Variants in DENND2B observed in about 807,000 individuals in gnomAD.
DENND2B encodes DENN domain containing 2B, also known as DENN domain-containing protein 2B.
A neutral mutation model predicts 116.0 loss-of-function variants in DENND2B; 32 were observed. That is an observed-to-expected ratio of 0.28 (90% CI 0.21 to 0.37). The LOEUF is 0.37. Ranked by LOEUF, DENND2B falls within the 10% of genes least tolerant of loss-of-function variation. The probability of loss-of-function intolerance (pLI) is 1.00; values close to 1 mark genes in which losing one functional copy is unlikely to be tolerated. For synonymous variants in DENND2B, 588 were observed against 583.9 expected, an observed-to-expected ratio of 1.01 and a Z score of -0.10; for missense variants, 1,276 against 1,477.7, an observed-to-expected ratio of 0.86 and a Z score of 2.24.
intron 1 of DENND2B, among the ~76,000 whole-genome samples, chr11:8,758,178 C>A (rs2053933836): frequency 1.3e-5 from 2 of 152,184 alleles, no homozygotes; most frequent in African/African-American, 2.4e-5. Context: ...TGTCCCACAG[C>A]ATGTTCTCTA....
At chr11:8,732,753 AAC>A (rs1268147740) in intron 2 of DENND2B, among the ~76,000 whole-genome samples, 1 of 152,214 alleles carries the variant, frequency 6.6e-6, no homozygotes, top group East Asian at 1.9e-4. Context: ...ATTCTTTCCA[AAC>A]AGTTTCAGTT....
intron 1 of DENND2B, among the ~76,000 whole-genome samples, chr11:8,751,414 A>G (rs1021335211): frequency 6.6e-6 from 1 of 152,054 alleles, no homozygotes; most frequent in African/African-American, 2.4e-5. Flanking sequence ...GTGGCAACCC[A>G]CTCGGGTCCC....
At chr11:8,779,805 A>G (rs2058190981) in intron 1 of DENND2B, among the ~76,000 whole-genome samples, 1 of 152,086 alleles carries the variant, frequency 6.6e-6, no homozygotes, top group African/African-American at 2.4e-5. Context: ...GTGAGCCACC[A>G]CGCCCGGCCA....
intron 1 of DENND2B, among the ~76,000 whole-genome samples, chr11:8,892,672 A>G (rs1215127843): frequency 6.6e-6 from 1 of 152,260 alleles, no homozygotes; most frequent in Non-Finnish European, 1.5e-5. Flanking sequence ...TTCTGGACAC[A>G]TACACCCTCC....
chr11:8,890,072 T>C (rs984250161), intron 1 of DENND2B, among the ~76,000 whole-genome samples: 3 of 152,158 alleles, frequency 2.0e-5, no homozygotes, highest in Non-Finnish European at 2.9e-5. Flanking sequence ...GGCAGCAACA[T>C]TTGCTGTTCA....
chr11:8,747,717 A>G (rs1339601941), intron 2 of DENND2B, among the ~76,000 whole-genome samples: 1 of 152,216 alleles, frequency 6.6e-6, no homozygotes, highest in East Asian at 1.9e-4. Context: ...ACAAAAGCGA[A>G]GACAAGGAAA....
At chr11:8,789,066 T>C (rs2059155337) in intron 1 of DENND2B, among the ~76,000 whole-genome samples, 1 of 152,226 alleles carries the variant, frequency 6.6e-6, no homozygotes, top group Non-Finnish European at 1.5e-5. Context: ...GCTAGTCAGA[T>C]ACCACACATC....
At position 8,883,608 on chromosome 11, in the gene DENND2B, G is replaced by A. The variant is rs188188152; in HGVS notation, c.-255-2499C>T. Among the ~76,000 whole-genome samples the A allele has an allele frequency of 1.6e-4, 24 of 152,264 alleles. No individual in the cohort carries two copies. In the East Asian group the frequency reaches 2.7e-3, roughly 17 times the overall value. The stretch of plus-strand genomic sequence containing the variant: ...CATCCAATTGTTTGAGAAGGCATAC[G>A]TGCTGGGCCTATGAAGCCAAAACAT... On this transcript the variant is annotated intron_variant, in intron 1 of 22. Coordinates refer to the DENND2B transcript ENST00000534127.
intron 1 of DENND2B, among the ~76,000 whole-genome samples, chr11:8,759,509 A>T (rs145190403): frequency 6.6e-6 from 1 of 152,296 alleles, no homozygotes; most frequent in Admixed American, 6.5e-5. Context: ...AATTTCTGCT[A>T]CATCTATGTT....
intron 1 of DENND2B, among the ~76,000 whole-genome samples, chr11:8,753,692 T>G (rs1336182958): frequency 6.6e-6 from 1 of 152,056 alleles, no homozygotes; most frequent in African/African-American, 2.4e-5. Flanking sequence ...AGTGCAGTAC[T>G]GACATAAGAA....
chr11:8,799,560 T>C (rs1326531409), intron 1 of DENND2B, among the ~76,000 whole-genome samples: 1 of 108,840 alleles, frequency 9.2e-6, no homozygotes, highest in African/African-American at 3.2e-5. Flanking sequence ...CTCCTTTTTC[T>C]CTTTTTTTTT....
chr11:8,880,141 A>G lies in DENND2B; in HGVS notation c.-156+869T>C, dbSNP rs148927343. 1.8e-3 allele frequency among the ~76,000 whole-genome samples: 276 copies of G among 152,282 alleles called. 1 individual carries two copies. The highest frequency in any genetic ancestry group is 6.4e-3 in the African/African-American group (267 of 41,566). ...AGGACAGAGCCATCTTCAGTCTCCT[A>G]GAAGGTCAAACTCTTACATCTCCTT... On this transcript the variant is annotated intron_variant, in intron 2 of 22. Transcript: ENST00000534127.
intron 1 of DENND2B, among the ~76,000 whole-genome samples, chr11:8,761,464 A>G (rs1284453578): frequency 6.6e-6 from 1 of 152,212 alleles, no homozygotes; most frequent in Non-Finnish European, 1.5e-5. Context: ...TCGATGATCC[A>G]GAGGCCATAG....
At chr11:8,846,003 T>C (rs1490785483) in intron 3 of DENND2B, among the ~76,000 whole-genome samples, 2 of 152,188 alleles carry the variant, frequency 1.3e-5, no homozygotes, top group African/African-American at 4.8e-5. Context: ...CCACACTTTA[T>C]TCCCACAGCC....
chr11:8,748,535 C>A (rs575360577), intron 2 of DENND2B, among the ~76,000 whole-genome samples: 2 of 151,984 alleles, frequency 1.3e-5, no homozygotes, highest in African/African-American at 4.8e-5. Flanking sequence ...AATACCTACA[C>A]CCCAGGGGTA....
intron 1 of DENND2B, chr11:8,766,862 C>G: frequency 2.9e-6 from 1 of 339,442 alleles, no homozygotes; most frequent in South Asian, 2.6e-5. Context: ...CTTTTTCATG[C>G]TAATTTCCCT....
At chr11:8,819,605 T>C (rs953808029) in intron 4 of DENND2B, among the ~76,000 whole-genome samples, 1 of 152,236 alleles carries the variant, frequency 6.6e-6, no homozygotes, top group African/African-American at 2.4e-5. Context: ...GAGAAGGGCA[T>C]TTCACCTCTG....
At chr11:8,901,740 G>A (rs984564182) in intron 1 of DENND2B, among the ~76,000 whole-genome samples, 21 of 152,112 alleles carry the variant, frequency 1.4e-4, no homozygotes, top group African/African-American at 4.1e-4. Context: ...TTACCTATGC[G>A]TTGTTTAATT....
At position 8,693,381 on chromosome 11, in the gene DENND2B, T is replaced by C. The variant is rs1390715121; in HGVS notation, c.*715A>G. ...GGCCCAAACAACTGTACATTGTTTA[T>C]TGAGAACACCCGTAGATGGGAAGGA... On this transcript the variant is annotated 3_prime_UTR_variant, in exon 20 of 20. Coordinates refer to ENST00000313726, the MANE Select transcript of DENND2B (RefSeq NM_213618.2). 6.5e-6 allele frequency: 1 copy of C among 152,696 alleles called. No individual in the cohort carries two copies. Among genetic ancestry groups the C allele is most frequent in the Non-Finnish European group, 1.5e-5 (1 of 68,098 alleles). 9.5% of individuals were successfully genotyped at this position (152,696 alleles called of 1,614,324 possible).
Sources: gnomAD v4.1 joint callset for allele counts (sites outside exome capture counted in the v4.1 genomes callset) on GRCh38, gnomAD v4.1.1 for gene constraint, MANE v1.5 for transcripts, NCBI Gene and HGNC (gene_info 2026-07-23, HGNC 2026-07-21) for gene names.